The following PRKCQ variants were observed in gnomAD, a reference collection of about 807,000 sequenced individuals.
PRKCQ encodes protein kinase C theta.
PRKCQ carries 41 observed loss-of-function variants against 91.2 expected under a neutral mutation model. The observed-to-expected ratio is 0.45, with a 90% confidence interval of 0.35 to 0.58. PRKCQ has a LOEUF of 0.58. PRKCQ is among the 20% of genes least tolerant of loss of function. The pLI, the probability that PRKCQ is intolerant of heterozygous loss-of-function variation, is 0.00. For missense variants in PRKCQ, 673 were observed against 896.5 expected (o/e 0.75, Z 3.18); for synonymous variants, 307 against 316.9 (o/e 0.97, Z 0.33).
chr10:6,421,355 C>T, the PRKCQ span, among the ~76,000 whole-genome samples: 7 of 152,076 alleles, frequency 4.6e-5, no homozygotes, highest in African/African-American at 1.7e-4. The surrounding 1 kb of genome is among the most constrained non-coding windows in gnomAD (Gnocchi z 4.1). Context: ...CATGGTGGTG[C>T]ACATCTGTGG....
chr10:6,430,725 A>G lies in PRKCQ; in HGVS notation c.1965+85T>C, dbSNP rs566711632. ...GGGAGTTGGGGCACCGGCAGGGGTGAGCAGCTGCGGTGACTTGGACAGGCA... is the reference window on the plus strand; with the variant it reads ...GGGAGTTGGGGCACCGGCAGGGGTGGGCAGCTGCGGTGACTTGGACAGGCA... On this transcript the variant is annotated intron_variant, in intron 17 of 17. Transcript: ENST00000263125. This position sits in a 1 kb window ranked among gnomAD's most constrained non-coding sequence, Gnocchi z 4.7. The G allele has an allele frequency of 2.6e-6, 4 of 1,546,616 alleles. No individual in the cohort carries two copies. The African/African-American group carries it at 5.4e-5, about 21-fold the overall frequency.
At chr10:6,433,199 G>A (rs1833506707) in intron 16 of PRKCQ, among the ~76,000 whole-genome samples, 1 of 152,206 alleles carries the variant, frequency 6.6e-6, no homozygotes, top group Non-Finnish European at 1.5e-5. Flanking sequence ...GTTGTCAGCT[G>A]AGGAAGCCGA....
At chr10:6,488,382 T>G (rs1237507415) in intron 8 of PRKCQ, among the ~76,000 whole-genome samples, 1 of 145,112 alleles carries the variant, frequency 6.9e-6, no homozygotes. Flanking sequence ...TGTAAATAAC[T>G]ATTACTTTTT....
At chr10:6,514,271 C>T (rs1333715257) in intron 2 of PRKCQ, among the ~76,000 whole-genome samples, 3 of 152,150 alleles carry the variant, frequency 2.0e-5, no homozygotes, top group Non-Finnish European at 2.9e-5. Context: ...GGGATCTAAA[C>T]TCCCTCCTAC....
intron 1 of PRKCQ, among the ~76,000 whole-genome samples, chr10:6,571,906 G>A (rs1296311127): frequency 6.6e-6 from 1 of 152,126 alleles, no homozygotes; most frequent in Non-Finnish European, 1.5e-5. Context: ...CAAACTTTGG[G>A]AACACAGTCC....
intron 1 of PRKCQ, among the ~76,000 whole-genome samples, chr10:6,545,588 G>C (rs927071346): frequency 1.3e-5 from 2 of 152,204 alleles, no homozygotes; most frequent in Admixed American, 6.5e-5. Context: ...AACTTGGAAG[G>C]GGGGAAATGG....
At chr10:6,519,628 C>T (rs2130878188) in intron 1 of PRKCQ, among the ~76,000 whole-genome samples, 1 of 152,274 alleles carries the variant, frequency 6.6e-6, no homozygotes. Flanking sequence ...GACCCCAAGC[C>T]AGTTTCAGCA....
At chr10:6,546,822 G>A (rs1839969124) in intron 1 of PRKCQ, among the ~76,000 whole-genome samples, 1 of 152,122 alleles carries the variant, frequency 6.6e-6, no homozygotes, top group Non-Finnish European at 1.5e-5. Flanking sequence ...TTTTCAAAGG[G>A]AATGCTTCCA....
At chr10:6,446,343 T>TCA (rs1165517963) in intron 15 of PRKCQ, among the ~76,000 whole-genome samples, 1 of 147,920 alleles carries the variant, frequency 6.8e-6, no homozygotes, top group Non-Finnish European at 1.5e-5. Context: ...GCTGTCATGG[T>TCA]CACACTATGC....
At chr10:6,453,109 A>G (rs1260392432) in intron 15 of PRKCQ, among the ~76,000 whole-genome samples, 2 of 151,444 alleles carry the variant, frequency 1.3e-5, no homozygotes, top group East Asian at 3.9e-4. Flanking sequence ...TGCACAGCAA[A>G]AGAAACTACC....
chr10:6,479,230 C>T, intron 11 of PRKCQ, 65 bp from the exon 12 acceptor site: 2 of 1,571,290 alleles, frequency 1.3e-6, no homozygotes. Context: ...AAAAAAGAGA[C>T]AGAGTCCTGA....
At chr10:6,489,900 G>A (rs773929797) in intron 8 of PRKCQ, among the ~76,000 whole-genome samples, 10 of 151,978 alleles carry the variant, frequency 6.6e-5, no homozygotes, top group African/African-American at 2.4e-5. Context: ...GTGCCGCGGC[G>A]CTGCTGGGAC....
chr10:6,413,530 C>T, the PRKCQ span, among the ~76,000 whole-genome samples: 1 of 133,464 alleles, frequency 7.5e-6, no homozygotes, highest in African/African-American at 3.1e-5. Flanking sequence ...GATTAAATGC[C>T]ACTTGTGCAC....
intron 1 of PRKCQ, among the ~76,000 whole-genome samples, chr10:6,520,889 G>C (rs1319997700): frequency 6.6e-6 from 1 of 152,192 alleles, no homozygotes; most frequent in Non-Finnish European, 1.5e-5. Context: ...CATACACTCA[G>C]AAGAGGGGTT....
chr10:6,464,418 A>G lies in PRKCQ; in HGVS notation c.1354-14T>C, dbSNP rs1466168231. On this transcript the variant is annotated splice_polypyrimidine_tract_variant and intron_variant, in intron 12 of 17. Transcript: ENST00000263125. ...AAAGAGGTTTTCCTGTGGAAAAACAAAACAATTCCAACTTTTATTTCATTT... is the reference window on the plus strand; with the variant it reads ...AAAGAGGTTTTCCTGTGGAAAAACAGAACAATTCCAACTTTTATTTCATTT... The G allele has an allele frequency of 6.4e-7, 1 of 1,552,354 alleles. No homozygotes were observed.
chr10:6,520,560 C>A (rs981151971), intron 1 of PRKCQ, among the ~76,000 whole-genome samples: 1 of 152,162 alleles, frequency 6.6e-6, no homozygotes, highest in African/African-American at 2.4e-5. Flanking sequence ...CCCTGGAACG[C>A]CTCCCTGTTT....
At chr10:6,409,151 C>T in the PRKCQ span, among the ~76,000 whole-genome samples, 1 of 152,140 alleles carries the variant, frequency 6.6e-6, no homozygotes, top group South Asian at 2.1e-4. Flanking sequence ...TGTCACCATC[C>T]ACTAGTAACT....
downstream of PRKCQ, among the ~76,000 whole-genome samples, chr10:6,423,479 G>T (rs112793195): frequency 6.6e-6 from 1 of 152,160 alleles, no homozygotes; most frequent in African/African-American, 2.4e-5. Flanking sequence ...CCGGCCTGCC[G>T]TCGGCTGGGG....
intron 1 of PRKCQ, among the ~76,000 whole-genome samples, chr10:6,524,432 T>G (rs1056886817): frequency 6.6e-6 from 1 of 152,152 alleles, no homozygotes; most frequent in Non-Finnish European, 1.5e-5. Flanking sequence ...GCCTCAGATT[T>G]CAGTCCCTTT....
Sources: gnomAD v4.1 joint callset for allele counts (sites outside exome capture counted in the v4.1 genomes callset) on GRCh38, gnomAD v4.1.1 for gene constraint, Gnocchi (gnomAD v3.1) non-coding constraint, MANE v1.5 for transcripts, NCBI Gene and HGNC (gene_info 2026-07-23, HGNC 2026-07-21) for gene names.